SYNDIG1: variants seen among roughly 807,000 people sequenced by gnomAD.
SYNDIG1 encodes the protein synapse differentiation-inducing gene protein 1.
Under a neutral mutation model 19.4 loss-of-function variants are expected in SYNDIG1, and 9 were observed. That is an observed-to-expected ratio of 0.46 (90% CI 0.28 to 0.81). SYNDIG1 has a LOEUF of 0.81. SYNDIG1 is among the 30% of genes least tolerant of loss of function. The pLI is 0.12. For synonymous variants in SYNDIG1, 141 were observed against 145.9 expected, an observed-to-expected ratio of 0.97 and a Z score of 0.24; for missense variants, 311 against 343.3, an observed-to-expected ratio of 0.91 and a Z score of 0.74.
intron 1 of SYNDIG1, among the ~76,000 whole-genome samples, chr20:24,505,424 A>G (rs1374045715): frequency 1.3e-5 from 2 of 152,148 alleles, no homozygotes; most frequent in Non-Finnish European, 2.9e-5. Context: ...GGGGGCTCAG[A>G]GTGGCTCCTA....
At position 24,550,871 on chromosome 20, in the gene SYNDIG1, C is replaced by T. The variant is rs76022794; in HGVS notation, c.480+7294C>T. On this transcript the variant is annotated intron_variant, in intron 2 of 3. Coordinates refer to ENST00000376862, the MANE Select transcript of SYNDIG1 (RefSeq NM_024893.3). ...CATTTGGGGGTAAATCCCACTTTGTCGTGGTTTATAATCCTCTTTAAGTGT... is the reference window on the plus strand; with the variant it reads ...CATTTGGGGGTAAATCCCACTTTGTTGTGGTTTATAATCCTCTTTAAGTGT... Among the ~76,000 whole-genome samples, 1,026 of 152,218 alleles carry T rather than the reference C, an allele frequency of 6.7e-3. 10 individuals carry two copies. Among genetic ancestry groups the T allele is most frequent in the African/African-American group, 0.023 (970 of 41,520 alleles).
intron 1 of SYNDIG1, among the ~76,000 whole-genome samples, chr20:24,522,175 A>T (rs2146548902): frequency 6.6e-6 from 1 of 152,234 alleles, no homozygotes; most frequent in Middle Eastern, 3.4e-3. Context: ...CCTGGGCTCA[A>T]GTGATCCTCC....
intron 1 of SYNDIG1, among the ~76,000 whole-genome samples, chr20:24,531,099 C>T (rs182548757): frequency 1.3e-5 from 2 of 152,116 alleles, no homozygotes; most frequent in East Asian, 1.9e-4. Flanking sequence ...TGTGAGCCAC[C>T]GTGCCTGGCC....
At chr20:24,479,192 GTC>G (rs2055723175) in intron 1 of SYNDIG1, among the ~76,000 whole-genome samples, 2 of 152,170 alleles carry the variant, frequency 1.3e-5, no homozygotes, top group South Asian at 4.1e-4. Context: ...AAATCAGAGG[GTC>G]TCTGTCTCCA....
intron 1 of SYNDIG1, among the ~76,000 whole-genome samples, chr20:24,540,849 CT>C (rs1159227307): frequency 6.6e-6 from 1 of 152,102 alleles, no homozygotes; most frequent in Admixed American, 6.5e-5. Context: ...GCATATGGGT[CT>C]GTAATGTTCC....
At chr20:24,558,384 T>C (rs1025511161) in intron 2 of SYNDIG1, among the ~76,000 whole-genome samples, 1 of 152,214 alleles carries the variant, frequency 6.6e-6, no homozygotes, top group Admixed American at 6.5e-5. Context: ...TAATTATTAT[T>C]GTTTGTGTGA....
At chr20:24,557,523 A>C (rs1048360153) in intron 2 of SYNDIG1, among the ~76,000 whole-genome samples, 11 of 152,174 alleles carry the variant, frequency 7.2e-5, no homozygotes, top group Non-Finnish European at 1.5e-4. Context: ...TCCTTCTAAC[A>C]GACAGGACCC....
intron 2 of SYNDIG1, among the ~76,000 whole-genome samples, chr20:24,547,070 G>A (rs1397093480): frequency 6.6e-6 from 1 of 151,976 alleles, no homozygotes; most frequent in Non-Finnish European, 1.5e-5. Context: ...CTTGTTCAGG[G>A]CCCCTCCCAT....
chr20:24,660,719 C>T (rs2059575174), intron 3 of SYNDIG1, among the ~76,000 whole-genome samples: 1 of 152,258 alleles, frequency 6.6e-6, no homozygotes, highest in Admixed American at 6.5e-5. Context: ...TTCGCATCCC[C>T]AGCTTCAGCC....
chr20:24,585,262 T>G (rs1001327449), intron 3 of SYNDIG1, among the ~76,000 whole-genome samples: 1 of 152,174 alleles, frequency 6.6e-6, no homozygotes, highest in Non-Finnish European at 1.5e-5. Context: ...CTGAAGCCGG[T>G]GTCTGCTGGG....
At chr20:24,607,482 C>T (rs925272072) in intron 3 of SYNDIG1, among the ~76,000 whole-genome samples, 6 of 152,228 alleles carry the variant, frequency 3.9e-5, no homozygotes, top group African/African-American at 1.2e-4. Context: ...CTGATTCACC[C>T]GGGCTGCTGG....
At chr20:24,478,379 A>T (rs2055696057) in intron 1 of SYNDIG1, among the ~76,000 whole-genome samples, 2 of 152,206 alleles carry the variant, frequency 1.3e-5, no homozygotes, top group Non-Finnish European at 2.9e-5. Flanking sequence ...AGCTCCCCAG[A>T]TGCCTGTTTG....
intron 3 of SYNDIG1, among the ~76,000 whole-genome samples, chr20:24,608,921 A>C (rs932388384): frequency 4.6e-5 from 7 of 152,212 alleles, no homozygotes; most frequent in Non-Finnish European, 8.8e-5. Flanking sequence ...GAGGACAGTA[A>C]TTTTGTGTGT....
intron 1 of SYNDIG1, among the ~76,000 whole-genome samples, chr20:24,499,142 A>G (rs780849136): frequency 6.6e-6 from 1 of 152,156 alleles, no homozygotes; most frequent in Non-Finnish European, 1.5e-5. Flanking sequence ...CTCCTGCCTC[A>G]GCCTCCCGAG....
At chr20:24,633,492 G>T (rs75129014) in intron 3 of SYNDIG1, among the ~76,000 whole-genome samples, 28,760 of 152,102 alleles carry the variant, frequency 0.19, 3,623 homozygotes, top group Admixed American at 0.35. Context: ...ACGTTCACGG[G>T]GGGGAATGTT....
chr20:24,556,635 C>T (rs1215101919), intron 2 of SYNDIG1, among the ~76,000 whole-genome samples: 1 of 152,196 alleles, frequency 6.6e-6, no homozygotes, highest in Middle Eastern at 3.2e-3. Context: ...CAATTGGCCC[C>T]CGCTGTCTTC....
At chr20:24,605,179 C>CAGAT (rs907842086) in intron 3 of SYNDIG1, among the ~76,000 whole-genome samples, 1 of 152,138 alleles carries the variant, frequency 6.6e-6, no homozygotes, top group Non-Finnish European at 1.5e-5. Flanking sequence ...TACCCAGGGA[C>CAGAT]AGATGGGTGG....
intron 1 of SYNDIG1, among the ~76,000 whole-genome samples, chr20:24,482,752 C>T (rs1384154760): frequency 2.0e-5 from 3 of 152,122 alleles, no homozygotes; most frequent in Non-Finnish European, 4.4e-5. Context: ...GTCCATTGGC[C>T]AGGGCTGTGC....
At chr20:24,552,562 T>G (rs998189442) in intron 2 of SYNDIG1, among the ~76,000 whole-genome samples, 7 of 26,844 alleles carry the variant, frequency 2.6e-4, no homozygotes, top group South Asian at 1.3e-3. Flanking sequence ...GAGATGTTTG[T>G]TTTTTTTTGT....
Sources: allele counts gnomAD v4.1 joint callset (sites outside exome capture counted in the v4.1 genomes callset), GRCh38; gene constraint gnomAD v4.1.1; transcripts MANE v1.5; gene names NCBI Gene and HGNC (gene_info 2026-07-23, HGNC 2026-07-21).